The following GRK3 variants were observed in gnomAD, a reference collection of about 807,000 sequenced individuals.
GRK3 encodes adrenergic, beta, receptor kinase 2.
GRK3 carries 54 observed loss-of-function variants against 95.7 expected under a neutral mutation model. The observed-to-expected ratio is 0.56, with a 90% confidence interval of 0.45 to 0.71. GRK3 has a LOEUF of 0.71. Ranked by LOEUF, GRK3 falls within the 30% of genes least tolerant of loss-of-function variation. GRK3 has a pLI of 0.00. For synonymous variants in GRK3, 281 were observed against 290.8 expected (o/e 0.97, Z 0.34); for missense variants, 649 against 851.2 (o/e 0.76, Z 2.96).
chr22:25,589,909 C>G (rs1336872533), intron 1 of GRK3, among the ~76,000 whole-genome samples: 3 of 152,094 alleles, frequency 2.0e-5, no homozygotes, highest in Non-Finnish European at 4.4e-5. Flanking sequence ...GGGAACTCCC[C>G]TTTATAAAAC....
intron 2 of GRK3, among the ~76,000 whole-genome samples, chr22:25,641,548 A>G (rs1463991364): frequency 6.6e-6 from 1 of 152,218 alleles, no homozygotes; most frequent in Non-Finnish European, 1.5e-5. Flanking sequence ...ATTTTTGCTC[A>G]TCGTAAGTGC....
rs1037213351 is a variant in GRK3 at position 25,728,131 on chromosome 22, T to C, written c.*5681T>C. On this transcript the variant is annotated 3_prime_UTR_variant, in exon 21 of 21. Coordinates refer to ENST00000324198, the MANE Select transcript of GRK3 (RefSeq NM_005160.4). ...TTGTTATTTAAAGAAATGGCAGTCC[T>C]TCCTGTTCTTAATACAATAAAATTG... The C allele has an allele frequency of 2.0e-5, 3 of 152,256 alleles. No homozygotes were observed. The highest frequency in any genetic ancestry group is 6.5e-5 in the Admixed American group (1 of 15,288). The allele number at this position is 152,256 out of a possible 1,614,324, so 9.4% of individuals were successfully genotyped here.
In GRK3 at chr22:25,582,313, G is replaced by A. The variant is rs564978391; in HGVS notation, c.113+17160G>A. Among the ~76,000 whole-genome samples, 31 of 151,902 alleles carry A rather than the reference G, an allele frequency of 2.0e-4. No homozygotes were observed. In the South Asian group the frequency reaches 3.3e-3, roughly 16 times the overall value. On this transcript the variant is annotated intron_variant, in intron 1 of 20. Coordinates refer to ENST00000324198, the MANE Select transcript of GRK3 (RefSeq NM_005160.4). ...AAAAAAGAGTGTGTTGCTCTAAACC[G>A]GGCCTCACTAAGTAATTACCAACAG...
At chr22:25,632,204 T>A (rs1413409527) in intron 2 of GRK3, among the ~76,000 whole-genome samples, 1 of 152,218 alleles carries the variant, frequency 6.6e-6, no homozygotes, top group Non-Finnish European at 1.5e-5. Context: ...TTACCAGCAT[T>A]GCTATTGTCT....
chr22:25,600,215 C>T (rs1356562029), intron 1 of GRK3, among the ~76,000 whole-genome samples: 7 of 149,936 alleles, frequency 4.7e-5, no homozygotes, highest in Non-Finnish European at 8.9e-5. Flanking sequence ...GGCATGATCT[C>T]GGCTCACTGC....
intron 3 of GRK3, among the ~76,000 whole-genome samples, chr22:25,646,766 T>G (rs149783848): frequency 0.026 from 3,892 of 152,212 alleles, 57 homozygotes; most frequent in East Asian, 0.037. Flanking sequence ...CTCACGCCTG[T>G]AATCCCAGCA....
In GRK3 at chr22:25,728,637, A is replaced by G. The variant is rs1428756070; in HGVS notation, c.*6187A>G. ...TACCTAACCACTAAACAGAAAGGCC[A>G]CCTTCACTCTTTGAAAAAGGCAAGC... On this transcript the variant is annotated 3_prime_UTR_variant, in exon 21 of 21. Coordinates refer to ENST00000324198, the MANE Select transcript of GRK3 (RefSeq NM_005160.4). 1 of 152,194 alleles carries G rather than the reference A, an allele frequency of 6.6e-6. No homozygotes were observed. Among genetic ancestry groups the G allele is most frequent in the Non-Finnish European group, 1.5e-5 (1 of 68,026 alleles). The allele number at this position is 152,194 out of a possible 1,614,324, so 9.4% of individuals were successfully genotyped here.
intron 19 of GRK3, among the ~76,000 whole-genome samples, chr22:25,719,180 T>G (rs1156718991): frequency 6.6e-6 from 1 of 151,428 alleles, no homozygotes; most frequent in African/African-American, 2.4e-5. Flanking sequence ...CATGTTTATC[T>G]GAGGTCAAGT....
At chr22:25,693,425 C>T (rs930329897) in intron 12 of GRK3, among the ~76,000 whole-genome samples, 1 of 152,160 alleles carries the variant, frequency 6.6e-6, no homozygotes, top group African/African-American at 2.4e-5. Context: ...GTGACTTGAT[C>T]CTGATAAGTA....
intron 17 of GRK3, among the ~76,000 whole-genome samples, chr22:25,713,422 G>A (rs777677663): frequency 1.1e-4 from 16 of 152,220 alleles, no homozygotes; most frequent in Non-Finnish European, 2.1e-4. Context: ...AGACTGGATG[G>A]AGTAGGCCCC....
intron 2 of GRK3, among the ~76,000 whole-genome samples, chr22:25,636,630 G>T (rs2084703528): frequency 6.6e-6 from 1 of 152,114 alleles, no homozygotes; most frequent in East Asian, 1.9e-4. Flanking sequence ...TAAATGTATT[G>T]ACCCACATAA....
At chr22:25,575,051 A>G (rs1220138664) in intron 1 of GRK3, among the ~76,000 whole-genome samples, 1 of 152,340 alleles carries the variant, frequency 6.6e-6, no homozygotes, top group Middle Eastern at 3.4e-3. Context: ...CATCCCTCCA[A>G]TAAATAAAAC....
chr22:25,597,688 G>T (rs1407407714), intron 1 of GRK3, among the ~76,000 whole-genome samples: 1 of 152,120 alleles, frequency 6.6e-6, no homozygotes, highest in Non-Finnish European at 1.5e-5. Context: ...ACAATAAAGA[G>T]AAATTCTTAA....
intron 3 of GRK3, among the ~76,000 whole-genome samples, chr22:25,646,014 GC>G (rs2084779783): frequency 2.0e-5 from 3 of 151,986 alleles, no homozygotes; most frequent in Admixed American, 2.0e-4. Flanking sequence ...TGGATGATGA[GC>G]TCCCTCCTTA....
At chr22:25,570,025 G>A (rs1194135274) in intron 1 of GRK3, among the ~76,000 whole-genome samples, 2 of 152,172 alleles carry the variant, frequency 1.3e-5, no homozygotes, top group African/African-American at 4.8e-5. Flanking sequence ...CACCAAAAAC[G>A]AATACCAAAC....
chr22:25,608,150 G>A (rs2084466994), intron 2 of GRK3, among the ~76,000 whole-genome samples: 1 of 152,168 alleles, frequency 6.6e-6, no homozygotes, highest in Non-Finnish European at 1.5e-5. Context: ...CTTAACTAAT[G>A]TTAAGACACA....
At chr22:25,680,794 A>T (rs2085067901) in intron 9 of GRK3, among the ~76,000 whole-genome samples, 1 of 152,224 alleles carries the variant, frequency 6.6e-6, no homozygotes, top group Admixed American at 6.5e-5. Flanking sequence ...TGTTTTTGCT[A>T]ATCAGGGGAT....
In GRK3 at chr22:25,690,303, C is replaced by T; in HGVS notation, c.1052+20C>T. 1 of 1,560,292 alleles carries T rather than the reference C, an allele frequency of 6.4e-7. No individual in the cohort carries two copies. Among genetic ancestry groups the T allele is most frequent in the Non-Finnish European group, 8.8e-7 (1 of 1,131,216 alleles). Reference sequence around the variant, plus strand: ...GAGTGTGTAAGTAGTGCGTCAACTTCAGTTCACCACCATTTCTCTCCTGCC... The same window carrying T: ...GAGTGTGTAAGTAGTGCGTCAACTTTAGTTCACCACCATTTCTCTCCTGCC... On this transcript the variant is annotated intron_variant, in intron 12 of 20. Transcript: ENST00000324198.
intron 1 of GRK3, among the ~76,000 whole-genome samples, chr22:25,571,611 A>G (rs1418055111): frequency 5.9e-5 from 9 of 152,234 alleles, no homozygotes; most frequent in Admixed American, 5.9e-4. Context: ...AAAGTACAAC[A>G]TAATAGCGAA....
Sources: gnomAD v4.1 joint callset for allele counts (sites outside exome capture counted in the v4.1 genomes callset) on GRCh38, gnomAD v4.1.1 for gene constraint, MANE v1.5 for transcripts, NCBI Gene and HGNC (gene_info 2026-07-23, HGNC 2026-07-21) for gene names.